The following S100A16 variants were observed in gnomAD, a reference collection of about 807,000 sequenced individuals.
S100A16 encodes the protein S100 calcium binding protein A16.
Under a neutral mutation model 9.0 loss-of-function variants are expected in S100A16, and 8 were observed. The observed-to-expected ratio is 0.89, with a 90% CI of 0.52 to 1.60. S100A16 has a LOEUF of 1.60. Ranked by LOEUF, S100A16 falls within the 40% of genes most tolerant of loss-of-function variation. The pLI is 0.00. For missense variants in S100A16, 138 were observed against 132.4 expected (o/e 1.04, Z -0.21); for synonymous variants, 51 against 51.4 (o/e 0.99, Z 0.04).
At chr1:153,609,004 A>C in intron 1 of S100A16, 3 of 985,756 alleles carry the variant, frequency 3.0e-6, no homozygotes, top group Non-Finnish European at 3.6e-6. Flanking sequence ...CCAGGACAAA[A>C]GACACTTTCT....
At chr1:153,609,149 G>A in intron 1 of S100A16, 1 of 985,352 alleles carries the variant, frequency 1.0e-6, no homozygotes, top group Non-Finnish European at 1.2e-6. Flanking sequence ...CCACCCCCAA[G>A]CCCAGGAATG....
At chr1:153,609,812 A>T (rs1395808983) in intron 1 of S100A16, among the ~76,000 whole-genome samples, 1 of 152,120 alleles carries the variant, frequency 6.6e-6, no homozygotes, top group African/African-American at 2.4e-5. Context: ...TTCTTTCATG[A>T]AGCCTCTTCT....
intron 1 of S100A16, chr1:153,609,397 G>C (rs187478653): frequency 1.0e-6 from 1 of 982,596 alleles, no homozygotes; most frequent in African/African-American, 1.8e-5. Context: ...CTCTCGCCCC[G>C]CCCAAGCCAC....
chr1:153,609,399 C>T (rs1039187982), intron 1 of S100A16: 1 of 980,292 alleles, frequency 1.0e-6, no homozygotes, highest in South Asian at 4.7e-5. Flanking sequence ...CTCGCCCCGC[C>T]CAAGCCACGC....
chr1:153,608,135 G>A lies in S100A16; in HGVS notation c.17C>T (p.Thr6Met), dbSNP rs142651762. The A allele has an allele frequency of 7.4e-6, 12 of 1,613,628 alleles. No homozygotes were observed. The highest frequency in any genetic ancestry group is 7.6e-6 in the Non-Finnish European group (9 of 1,179,918). The change falls in exon 2 of 3, where the codon ACG (threonine) becomes ATG (methionine). Residue 6 changes from threonine to methionine, a missense_variant. Physicochemically the swap from Thr to Met is moderately conservative, Grantham distance 81 (BLOSUM62 -1). Transcript: ENST00000368706. Reference sequence around the variant, plus strand: ...GACAATGACTGCCTTCTCCAGCTCCGTGTAGCAGTCTGACATCTCCCTGCT... The same window carrying A: ...GACAATGACTGCCTTCTCCAGCTCCATGTAGCAGTCTGACATCTCCCTGCT... The part of the protein sequence containing the change: MSDCY[T>M]ELEKAVIVLV...
chr1:153,608,484 G>C (rs1666755273), intron 1 of S100A16, among the ~76,000 whole-genome samples: 1 of 152,030 alleles, frequency 6.6e-6, no homozygotes, highest in African/African-American at 2.4e-5. Context: ...AGCCCTACGG[G>C]GCAAGAGGCT....
At chr1:153,607,972 G>T (rs1021314854) in intron 2 of S100A16, 27 bp downstream of exon 2, 1 of 1,610,430 alleles carries the variant, frequency 6.2e-7, no homozygotes, top group Non-Finnish European at 8.5e-7. Context: ...GGAGAGGGAG[G>T]CAAGGCCCTT....
chr1:153,607,470 G>A lies in S100A16; in HGVS notation c.*64C>T. ...GGGTGGGCAGGAGGCTGAGGAGGGA[G>A]CCTGGGGAGAGCACCAGGGCGGGGC... On this transcript the variant is annotated 3_prime_UTR_variant, in exon 3 of 3. Transcript: ENST00000368706. 1 of 1,591,790 alleles carries A rather than the reference G, an allele frequency of 6.3e-7. No individual in the cohort carries two copies. Among genetic ancestry groups the A allele is most frequent in the South Asian group, 1.1e-5 (1 of 90,386 alleles).
intron 1 of S100A16, among the ~76,000 whole-genome samples, chr1:153,612,466 C>T (rs1225895064): frequency 1.3e-5 from 2 of 150,378 alleles, no homozygotes; most frequent in African/African-American, 4.9e-5. Flanking sequence ...GGGACGCCAC[C>T]TCAGCCCCCG....
chr1:153,607,536 AGCT>A lies in S100A16; in HGVS notation c.307_309del (p.Ser103del), dbSNP rs1666721310. 6.2e-7 allele frequency: 1 copy of A among 1,613,916 alleles called. No individual in the cohort carries two copies. The highest frequency in any genetic ancestry group is 8.5e-7 in the Non-Finnish European group (1 of 1,179,992). ...GGAAGGTGTGGCCAAAGGGGTCTCT[AGCT>A]GCTGCTCTGCTGCTCCTGCTCATGG... On this transcript the variant is annotated inframe_deletion, in exon 3 of 3. Coordinates refer to ENST00000368706, the MANE Select transcript of S100A16 (RefSeq NM_080388.3).
chr1:153,612,228 T>A (rs74118303), intron 1 of S100A16, among the ~76,000 whole-genome samples: 3,942 of 152,004 alleles, frequency 0.026, 153 homozygotes, highest in African/African-American at 0.091. Flanking sequence ...AGGGGAAGGC[T>A]CCCATAGTGC....
At position 153,607,359 on chromosome 1, in the gene S100A16, A is replaced by G; in HGVS notation, c.*175T>C. ...GCTGAGACCCCCCAGGGAGGGAGGT[A>G]CCTCTAGACTGAGACACTCACAAAG... On this transcript the variant is annotated 3_prime_UTR_variant, in exon 3 of 3. Coordinates refer to ENST00000368706, the MANE Select transcript of S100A16 (RefSeq NM_080388.3). 1 of 734,708 alleles carries G rather than the reference A, an allele frequency of 1.4e-6. No homozygotes were observed. The highest frequency in any genetic ancestry group is 2.7e-5 in the East Asian group (1 of 37,020). The allele number at this position is 734,708 out of a possible 1,614,324, so 45.5% of individuals were successfully genotyped here. A position where few individuals can be genotyped will look rare whatever the true frequency, so the allele number is the denominator to read the frequency against.
chr1:153,610,632 C>G (rs1025284321), intron 1 of S100A16, among the ~76,000 whole-genome samples: 3 of 152,230 alleles, frequency 2.0e-5, no homozygotes, highest in African/African-American at 7.2e-5. Flanking sequence ...AGCCCCTCCT[C>G]CCAGGAATCC....
chr1:153,612,815 A>G (rs1260915769), intron 1 of S100A16, 137 bp downstream of exon 1: 1 of 152,138 alleles, frequency 6.6e-6, no homozygotes. Context: ...AAAGTTAATA[A>G]TTACCAAAAT....
rs540582729 is a variant in S100A16, at chr1:153,607,675, C to G, written c.171G>C (p.Lys57Asn). 1 of 1,614,224 alleles carries G rather than the reference C, an allele frequency of 6.2e-7. No individual in the cohort carries two copies. Among genetic ancestry groups the G allele is most frequent in the East Asian group, 2.2e-5 (1 of 44,882 alleles). The stretch of plus-strand genomic sequence containing the variant: ...GGTTCTGGATGAGCTTATCCGCAGC[C>G]TTCCGGTTCCCTGTGTCCTGGGGAG... ...NHMLSDTGNR[K>N]AADKLIQNLD... Residue 57 changes from lysine (K) to asparagine (N), a missense_variant, in exon 3 of 3, where the codon AAG (lysine) becomes AAC (asparagine). Coordinates refer to ENST00000368706, the MANE Select transcript of S100A16 (RefSeq NM_080388.3).
At chr1:153,611,496 C>T (rs1438836852) in intron 1 of S100A16, among the ~76,000 whole-genome samples, 1 of 152,036 alleles carries the variant, frequency 6.6e-6, no homozygotes, top group Non-Finnish European at 1.5e-5. Context: ...CTCTGTGTCC[C>T]TTCCATCTAC....
At chr1:153,609,177 C>T (rs1666778202) in intron 1 of S100A16, 1 of 985,438 alleles carries the variant, frequency 1.0e-6, no homozygotes, top group African/African-American at 1.7e-5. Context: ...GTCACCCTCA[C>T]CCGGCGGGTC....
In S100A16 at chr1:153,607,331, G is replaced by A. The variant is rs1666712831; in HGVS notation, c.*203C>T. 4 of 649,822 alleles carry A rather than the reference G, an allele frequency of 6.2e-6. No homozygotes were observed. The highest frequency in any genetic ancestry group is 1.8e-5 in the African/African-American group (1 of 54,702). 40.3% of individuals were successfully genotyped at this position (649,822 alleles called of 1,614,324 possible). ...GGGGCCCCAAGGGCCTGCGACTCCA[G>A]GAGCTGAGACCCCCCAGGGAGGGAG... On this transcript the variant is annotated 3_prime_UTR_variant, in exon 3 of 3. Transcript: ENST00000368706.
chr1:153,608,486 C>T (rs148668676), intron 1 of S100A16, among the ~76,000 whole-genome samples: 2 of 152,226 alleles, frequency 1.3e-5, no homozygotes, highest in African/African-American at 4.8e-5. Context: ...CCCTACGGGG[C>T]AAGAGGCTCT....
Sources: gnomAD v4.1 joint callset for allele counts (sites outside exome capture counted in the v4.1 genomes callset) on GRCh38, gnomAD v4.1.1 for gene constraint, MANE v1.5 for transcripts, NCBI Gene and HGNC (gene_info 2026-07-23, HGNC 2026-07-21) for gene names.